Variants in PMF1 observed in about 807,000 individuals in gnomAD.
The protein encoded by PMF1 is polyamine-modulated factor 1.
Under a neutral mutation model 26.7 loss-of-function variants are expected in PMF1, and 21 were observed. That is an observed-to-expected ratio of 0.79 (90% CI 0.56 to 1.13). PMF1 has a LOEUF of 1.13. PMF1 is among the 50% of genes most tolerant of loss of function. The pLI is 0.00. For synonymous variants in PMF1, 105 were observed against 101.0 expected (o/e 1.04, Z -0.24); for missense variants, 266 against 254.9 (o/e 1.04, Z -0.30).
intron 1 of PMF1, among the ~76,000 whole-genome samples, chr1:156,222,606 T>C (rs1658144755): frequency 6.6e-6 from 1 of 152,150 alleles, no homozygotes; most frequent in Non-Finnish European, 1.5e-5. Flanking sequence ...GGTCTCAAAC[T>C]CCTGACCTCA....
chr1:156,233,610 T>A lies in PMF1; in HGVS notation c.268-18T>A. 6.2e-7 allele frequency: 1 copy of A among 1,612,592 alleles called. No individual in the cohort carries two copies. The highest frequency in any genetic ancestry group is 8.5e-7 in the Non-Finnish European group (1 of 1,179,042). On this transcript the variant is annotated intron_variant, in intron 2 of 4. Coordinates refer to ENST00000368277, the MANE Select transcript of PMF1 (RefSeq NM_007221.4). ...GCTCATCTCGTGTCATTACAGCTCT[T>A]TCCTCCTTTCTCTTCAGGAGGAAAT...
chr1:156,230,049 T>A (rs1658607445), intron 1 of PMF1, among the ~76,000 whole-genome samples: 1 of 152,184 alleles, frequency 6.6e-6, no homozygotes. Context: ...AAAACATTGT[T>A]TGGGGGCGGG....
chr1:156,219,274 A>T (rs186259099), intron 1 of PMF1, among the ~76,000 whole-genome samples: 19 of 152,280 alleles, frequency 1.2e-4, no homozygotes, highest in African/African-American at 4.1e-4. Context: ...TCACAAAGAT[A>T]ATCTCCAGTG....
At chr1:156,217,172 A>G (rs1452788595) in intron 1 of PMF1, among the ~76,000 whole-genome samples, 1 of 150,160 alleles carries the variant, frequency 6.7e-6, no homozygotes, top group East Asian at 2.0e-4. Flanking sequence ...AGCATGGCAC[A>G]TGTATACATA....
chr1:156,236,425 G>T lies in PMF1; in HGVS notation c.506G>T (p.Gly169Val). Residue 169 changes from glycine to valine, a missense_variant, in exon 4 of 5, where the codon GGG becomes GTG. Physicochemically the swap from Gly to Val is moderately radical, Grantham distance 109. Transcript: ENST00000368277. ...NQQLADAVLAGRRQVEELQLQ... is the reference protein window; with the variant it reads ...NQQLADAVLAVRRQVEELQLQ... Reference sequence around the variant, plus strand: ...CAGCTGGCAGATGCCGTCCTGGCAGGGCGGAGGCAGGTGGAGGAGCTGCAG... The same window carrying T: ...CAGCTGGCAGATGCCGTCCTGGCAGTGCGGAGGCAGGTGGAGGAGCTGCAG... The T allele has an allele frequency of 6.2e-7, 1 of 1,614,152 alleles. No individual in the cohort carries two copies. The highest frequency in any genetic ancestry group is 8.5e-7 in the Non-Finnish European group (1 of 1,180,006).
At chr1:156,233,057 C>G (rs1658810468) in intron 2 of PMF1, among the ~76,000 whole-genome samples, 1 of 151,654 alleles carries the variant, frequency 6.6e-6, no homozygotes, top group Non-Finnish European at 1.5e-5. Flanking sequence ...ATCACTGGGA[C>G]TGTAGACGTG....
intron 1 of PMF1, among the ~76,000 whole-genome samples, chr1:156,219,658 T>A (rs1657972649): frequency 6.6e-6 from 1 of 152,140 alleles, no homozygotes; most frequent in Non-Finnish European, 1.5e-5. Context: ...CAATCATGGC[T>A]CATTGTAGTC....
intron 1 of PMF1, among the ~76,000 whole-genome samples, chr1:156,214,318 GC>G (rs1657564601): frequency 6.6e-6 from 1 of 152,148 alleles, no homozygotes. Context: ...CCTGACCACA[GC>G]CTCTCCTTCT....
chr1:156,236,189 C>T, intron 3 of PMF1, 99 bp from the exon 4 acceptor site: 1 of 1,505,644 alleles, frequency 6.6e-7, no homozygotes. Context: ...CAACTTGGGA[C>T]AAGGTGGGCA....
intron 1 of PMF1, among the ~76,000 whole-genome samples, chr1:156,224,111 A>C (rs1013687997): frequency 6.6e-6 from 1 of 152,222 alleles, no homozygotes; most frequent in Non-Finnish European, 1.5e-5. Flanking sequence ...ACAATAAAAG[A>C]CTAAATTAGT....
intron 1 of PMF1, among the ~76,000 whole-genome samples, chr1:156,228,256 ATTTTT>A (rs772709878): frequency 6.0e-5 from 2 of 33,546 alleles, no homozygotes; most frequent in Non-Finnish European, 1.1e-4. Context: ...GCACCTGGCG[ATTTTT>A]TTTTTTTTTT....
chr1:156,217,894 C>T (rs756570064), intron 1 of PMF1, among the ~76,000 whole-genome samples: 1 of 152,220 alleles, frequency 6.6e-6, no homozygotes, highest in Non-Finnish European at 1.5e-5. Flanking sequence ...TTGTACATTT[C>T]CACAGGAGCT....
intron 4 of PMF1, among the ~76,000 whole-genome samples, chr1:156,238,571 G>A (rs1659170390): frequency 6.6e-6 from 1 of 152,220 alleles, no homozygotes; most frequent in Non-Finnish European, 1.5e-5. Context: ...CATCCTTCAT[G>A]TCAGTATCCA....
chr1:156,233,451 C>G (rs1274692235), intron 2 of PMF1, among the ~76,000 whole-genome samples, 177 bp from the exon 3 acceptor site: 1 of 152,040 alleles, frequency 6.6e-6, no homozygotes, highest in Non-Finnish European at 1.5e-5. Context: ...AACCACGACG[C>G]CCAGCCTATT....
chr1:156,228,021 G>A (rs1467347634), intron 1 of PMF1, among the ~76,000 whole-genome samples: 2 of 147,762 alleles, frequency 1.4e-5, no homozygotes, highest in Non-Finnish European at 3.0e-5. Flanking sequence ...TGCAACCTCC[G>A]CCTCCCGGGT....
intron 1 of PMF1, among the ~76,000 whole-genome samples, chr1:156,218,407 T>C (rs1657895844): frequency 6.6e-6 from 1 of 152,174 alleles, no homozygotes; most frequent in Non-Finnish European, 1.5e-5. Context: ...CAGTTATGCC[T>C]GCAGACCCTT....
chr1:156,239,805 C>G lies in PMF1; in HGVS notation c.*204C>G. ...CACCCTTGGGGTTGGACATACACCC[C>G]CTTTAGATTCCTCTGTTTCTTCTAC... On this transcript the variant is annotated 3_prime_UTR_variant, in exon 5 of 5. Coordinates refer to ENST00000368277, the MANE Select transcript of PMF1 (RefSeq NM_007221.4). 1 of 538,578 alleles carries G rather than the reference C, an allele frequency of 1.9e-6. No homozygotes were observed. The highest frequency in any genetic ancestry group is 3.1e-5 in the East Asian group (1 of 32,562). 33.4% of individuals were successfully genotyped at this position (538,578 alleles called of 1,614,324 possible).
At chr1:156,232,981 G>A (rs1315904486) in intron 2 of PMF1, among the ~76,000 whole-genome samples, 1 of 145,610 alleles carries the variant, frequency 6.9e-6, no homozygotes, top group Admixed American at 7.0e-5. Flanking sequence ...GTGCAGTGGC[G>A]TGATCTCAGC....
At chr1:156,234,362 G>C (rs1057227140) in intron 3 of PMF1, among the ~76,000 whole-genome samples, 4 of 152,064 alleles carry the variant, frequency 2.6e-5, no homozygotes, top group African/African-American at 7.2e-5. Flanking sequence ...AAGGGTGGGT[G>C]GGGGGAGTGG....
Sources: gnomAD v4.1 joint callset for allele counts (sites outside exome capture counted in the v4.1 genomes callset) on GRCh38, gnomAD v4.1.1 for gene constraint, MANE v1.5 for transcripts, NCBI Gene and HGNC (gene_info 2026-07-23, HGNC 2026-07-21) for gene names.